Variants in IGFL4 observed in about 807,000 individuals in gnomAD.
The protein encoded by IGFL4 is insulin growth factor-like family member 4.
Under a neutral mutation model 15.4 loss-of-function variants are expected in IGFL4, and 12 were observed. The observed-to-expected ratio is 0.78, with a 90% CI of 0.50 to 1.26. The LOEUF (loss-of-function observed/expected upper bound fraction) is 1.26. Among genes scored for constraint, IGFL4 ranks in the 50% most tolerant of loss-of-function variants. The pLI is 0.00. For missense variants in IGFL4, 126 were observed against 147.8 expected, an observed-to-expected ratio of 0.85 and a Z score of 0.76; for synonymous variants, 54 against 55.9, an observed-to-expected ratio of 0.97 and a Z score of 0.16.
upstream of IGFL4, among the ~76,000 whole-genome samples, chr19:46,045,174 G>A (rs542253452): frequency 1.3e-5 from 2 of 152,288 alleles, no homozygotes; most frequent in South Asian, 4.2e-4. Context: ...GCCAGGCGCA[G>A]TGGCTCACAC....
chr19:46,042,669 C>G (rs1391249853), upstream of IGFL4, among the ~76,000 whole-genome samples: 1 of 152,182 alleles, frequency 6.6e-6, no homozygotes, highest in African/African-American at 2.4e-5. Context: ...AAGAAAGAGC[C>G]ACAGGTGCCA....
At chr19:46,054,099 C>A (rs936201445) in intron 2 of IGFL4, among the ~76,000 whole-genome samples, 1 of 152,094 alleles carries the variant, frequency 6.6e-6, no homozygotes, top group African/African-American at 2.4e-5. Context: ...TTGTGCAGAG[C>A]TTTTTATTTT....
chr19:46,066,885 G>A (rs1037681948), intron 1 of IGFL4, among the ~76,000 whole-genome samples: 3 of 152,120 alleles, frequency 2.0e-5, no homozygotes, highest in African/African-American at 7.2e-5. Flanking sequence ...TTAAAGTTGA[G>A]GAATGAAAAC....
Position 46,040,037 on chromosome 19 carries a change from T to G in IGFL4, c.331-101A>C. On this transcript the variant is annotated intron_variant, in intron 3 of 3. Transcript: ENST00000377697. This position sits in a 1 kb window ranked among gnomAD's most constrained non-coding sequence, Gnocchi z 4.1. ...ATGGAGAAAGACAGAGTTGCATGGT[T>G]ACTGAGAGATGGGAAGGTATGGAAC... is the stretch of plus-strand genomic sequence containing the variant. 1 of 1,505,414 alleles carries G rather than the reference T, an allele frequency of 6.6e-7. No homozygotes were observed. Among genetic ancestry groups the G allele is most frequent in the Non-Finnish European group, 9.2e-7 (1 of 1,082,400 alleles). The allele number at this position is 1,505,414 out of a possible 1,614,324, so 93.3% of individuals were successfully genotyped here.
upstream of IGFL4, among the ~76,000 whole-genome samples, chr19:46,043,369 T>C (rs1156541950): frequency 2.6e-5 from 4 of 152,196 alleles, no homozygotes. Flanking sequence ...ATGTCAATTC[T>C]CTCCAAATTG....
intron 1 of IGFL4, among the ~76,000 whole-genome samples, chr19:46,065,282 T>C (rs999294420): frequency 6.6e-6 from 1 of 151,156 alleles, no homozygotes; most frequent in African/African-American, 2.4e-5. Flanking sequence ...CTTCACTTCA[T>C]TGATTGTTTC....
At chr19:46,052,488 A>T (rs1370370604) in intron 2 of IGFL4, among the ~76,000 whole-genome samples, 1 of 152,042 alleles carries the variant, frequency 6.6e-6, no homozygotes, top group Non-Finnish European at 1.5e-5. Flanking sequence ...ATACAACAAA[A>T]GCAGTGTAGC....
At chr19:46,044,539 G>T (rs2146511298), upstream of IGFL4, among the ~76,000 whole-genome samples, 1 of 152,294 alleles carries the variant, frequency 6.6e-6, no homozygotes, top group South Asian at 2.1e-4. Context: ...CCATCTCTGT[G>T]GTTCAGTAGA....
chr19:46,056,068 T>C lies in IGFL4; in HGVS notation c.-323+4117A>G, dbSNP rs1486567855. Among the ~76,000 whole-genome samples, 3 of 152,298 alleles carry C rather than the reference T, an allele frequency of 2.0e-5. No individual in the cohort carries two copies. In the East Asian group the frequency reaches 5.8e-4, roughly 29 times the overall value. Reference sequence around the variant, plus strand: ...CTGGCATTACAGGCGTGAGCCACCATACCCAGCCCAATTTAGTTTTTATAT... The same window carrying C: ...CTGGCATTACAGGCGTGAGCCACCACACCCAGCCCAATTTAGTTTTTATAT... On this transcript the variant is annotated intron_variant, in intron 2 of 5. Coordinates refer to the IGFL4 transcript ENST00000601672.
At chr19:46,059,021 T>C (rs1002505657) in intron 2 of IGFL4, 2 of 152,358 alleles carry the variant, frequency 1.3e-5, no homozygotes, top group East Asian at 3.9e-4. Flanking sequence ...TCTTTTAGCA[T>C]GCTAATGCAC....
intron 2 of IGFL4, among the ~76,000 whole-genome samples, chr19:46,052,255 T>C (rs1020827932): frequency 6.6e-6 from 1 of 152,024 alleles, no homozygotes; most frequent in Admixed American, 6.6e-5. Context: ...GTATAATAGA[T>C]CTCAATAAAT....
At chr19:46,054,364 T>A (rs1969374588) in intron 2 of IGFL4, among the ~76,000 whole-genome samples, 1 of 152,206 alleles carries the variant, frequency 6.6e-6, no homozygotes, top group Non-Finnish European at 1.5e-5. Flanking sequence ...AAAGAGACTG[T>A]CCTTTCCCCA....
At chr19:46,050,445 C>G (rs1969335007) in intron 2 of IGFL4, among the ~76,000 whole-genome samples, 1 of 152,024 alleles carries the variant, frequency 6.6e-6, no homozygotes, top group Non-Finnish European at 1.5e-5. Flanking sequence ...GGAAAAATCT[C>G]CAGTGAAATA....
Position 46,066,049 on chromosome 19 carries a change from C to G in IGFL4, c.-431-5756G>C, listed in dbSNP as rs370848461. On this transcript the variant is annotated intron_variant, in intron 1 of 5. Transcript: ENST00000601672. ...AGGCTGAAAGTGGAACTTAGCTCAG[C>G]ATGGCCCTCTCAGCCAGGTGATTTT... is the stretch of plus-strand genomic sequence containing the variant. Among the ~76,000 whole-genome samples the G allele has an allele frequency of 3.0e-4, 46 of 152,310 alleles. 1 individual carries two copies. Among genetic ancestry groups the G allele is most frequent in the African/African-American group, 9.1e-4 (38 of 41,570 alleles).
chr19:46,072,087 G>A (rs772323099), intron 1 of IGFL4, among the ~76,000 whole-genome samples: 1 of 152,202 alleles, frequency 6.6e-6, no homozygotes, highest in Non-Finnish European at 1.5e-5. Context: ...TGACTTCAAC[G>A]AGACTACTTT....
intron 2 of IGFL4, among the ~76,000 whole-genome samples, chr19:46,049,524 A>G (rs1354737483): frequency 1.3e-5 from 2 of 152,032 alleles, no homozygotes; most frequent in Admixed American, 1.3e-4. Context: ...CTGGTGACCT[A>G]TGTGATGCAG....
At chr19:46,055,426 T>C (rs1040230960) in intron 2 of IGFL4, among the ~76,000 whole-genome samples, 1 of 152,162 alleles carries the variant, frequency 6.6e-6, no homozygotes, top group South Asian at 2.1e-4. Flanking sequence ...CATTGCATGT[T>C]TTGTTAGCCT....
chr19:46,061,511 G>A lies in IGFL4; in HGVS notation c.-431-1218C>T, dbSNP rs116727332. ...GTTTGTTAATTGGATTACTGGCAGG[G>A]TGGAGCCTTTGGAGGAACAGGGCCA... On this transcript the variant is annotated intron_variant, in intron 1 of 5. Transcript: ENST00000601672. 5.3e-3 allele frequency among the ~76,000 whole-genome samples: 811 copies of A among 152,286 alleles called. 13 individuals are homozygous for A. The highest frequency in any genetic ancestry group is 0.019 in the African/African-American group (771 of 41,530).
chr19:46,041,717 T>G (rs1205244933), upstream of IGFL4, among the ~76,000 whole-genome samples: 2 of 151,938 alleles, frequency 1.3e-5, no homozygotes, highest in South Asian at 2.1e-4. Flanking sequence ...GTTTCTTCCC[T>G]GTGTCACAGT....
Sources: gnomAD v4.1 joint callset for allele counts (sites outside exome capture counted in the v4.1 genomes callset) on GRCh38, gnomAD v4.1.1 for gene constraint, Gnocchi (gnomAD v3.1) non-coding constraint, MANE v1.5 for transcripts, NCBI Gene and HGNC (gene_info 2026-07-23, HGNC 2026-07-21) for gene names.